Variants in EHMT1 observed in about 807,000 individuals in gnomAD.
EHMT1 encodes euchromatic histone lysine methyltransferase 1.
EHMT1 carries 15 observed loss-of-function variants against 147.2 expected under a neutral mutation model. That is an observed-to-expected ratio of 0.10 (90% CI 0.07 to 0.16). The LOEUF is 0.16. EHMT1 is among the 10% of genes least tolerant of loss of function. EHMT1 has a pLI of 1.00. For missense variants in EHMT1, 1,587 were observed against 1,772.4 expected (o/e 0.90, Z 1.88); for synonymous variants, 795 against 709.6 (o/e 1.12, Z -1.91).
At chr9:137,745,247 C>T (rs1196959932) in intron 6 of EHMT1, among the ~76,000 whole-genome samples, 1 of 152,120 alleles carries the variant, frequency 6.6e-6, no homozygotes, top group Non-Finnish European at 1.5e-5. Flanking sequence ...AAAGCATTTT[C>T]TATCATTTGT....
At chr9:137,662,094 G>A (rs1380966894) in intron 1 of EHMT1, among the ~76,000 whole-genome samples, 1 of 152,186 alleles carries the variant, frequency 6.6e-6, no homozygotes, top group Non-Finnish European at 1.5e-5. Context: ...GAGCCACTGC[G>A]CCTGGCCAAG....
chr9:137,673,194 C>T (rs1940877503), intron 1 of EHMT1, among the ~76,000 whole-genome samples: 1 of 152,160 alleles, frequency 6.6e-6, no homozygotes, highest in South Asian at 2.1e-4. Context: ...AACCTCCCAG[C>T]AGGTGTTTAT....
At chr9:137,718,362 G>A (rs1319254421) in intron 3 of EHMT1, among the ~76,000 whole-genome samples, 1 of 152,232 alleles carries the variant, frequency 6.6e-6, no homozygotes, top group Non-Finnish European at 1.5e-5. Flanking sequence ...GTAAGTTCTA[G>A]GTTTGTGATC....
intron 1 of EHMT1, among the ~76,000 whole-genome samples, chr9:137,668,825 C>A (rs1052429933): frequency 1.3e-5 from 2 of 152,090 alleles, no homozygotes; most frequent in Non-Finnish European, 2.9e-5. Flanking sequence ...TTCGGCTATC[C>A]CGGGAATGGG....
At chr9:137,832,405 C>T (rs1032339986) in intron 25 of EHMT1, among the ~76,000 whole-genome samples, 9 of 150,748 alleles carry the variant, frequency 6.0e-5, no homozygotes, top group Admixed American at 2.0e-4. Context: ...CAGGCCCCGC[C>T]TCCCACGTGG....
intron 1 of EHMT1, among the ~76,000 whole-genome samples, chr9:137,702,660 A>G (rs2135203523): frequency 6.6e-6 from 1 of 152,232 alleles, no homozygotes; most frequent in Admixed American, 6.5e-5. Context: ...TGGATCTACC[A>G]TTCTGGGGTC....
intron 1 of EHMT1, among the ~76,000 whole-genome samples, chr9:137,674,494 C>T (rs542026236): frequency 1.3e-5 from 2 of 152,304 alleles, no homozygotes; most frequent in Admixed American, 1.3e-4. Flanking sequence ...TCGGCTCCAG[C>T]GCTCTTTCTT....
rs936745452 is a variant in EHMT1, at chr9:137,715,668, G to C, written c.86-958G>C. 3 of 985,290 alleles carry C rather than the reference G, an allele frequency of 3.0e-6. No homozygotes were observed. The African/African-American group carries it at 5.2e-5, about 17-fold the overall frequency. 61.0% of individuals were successfully genotyped at this position (985,290 alleles called of 1,614,324 possible). On this transcript the variant is annotated intron_variant, in intron 2 of 26. Transcript: ENST00000460843. Reference sequence around the variant, plus strand: ...TGTCAATCTCGTGATGTAAAATAGTGTCTCCTTGACTGCCCTGGATATGAT... The same window carrying C: ...TGTCAATCTCGTGATGTAAAATAGTCTCTCCTTGACTGCCCTGGATATGAT...
At chr9:137,698,445 A>G (rs996962471) in intron 1 of EHMT1, among the ~76,000 whole-genome samples, 4 of 152,220 alleles carry the variant, frequency 2.6e-5, no homozygotes, top group Non-Finnish European at 5.9e-5. Flanking sequence ...TTAGTGGGTG[A>G]GAAAGTCTCT....
In EHMT1 at chr9:137,789,835, C is replaced by T. The variant is rs1952376446; in HGVS notation, c.2383-1013C>T. On this transcript the variant is annotated intron_variant, in intron 15 of 26. Coordinates refer to ENST00000460843, the MANE Select transcript of EHMT1 (RefSeq NM_024757.5). ...ACCTCTGCCTCCCAGGTTCAAGCAA[C>T]TCTCCTGCCTCAGCCTCCTGCGTAG... Among the ~76,000 whole-genome samples, 3 of 152,330 alleles carry T rather than the reference C, an allele frequency of 2.0e-5. No individual in the cohort carries two copies. In the South Asian group the frequency reaches 6.2e-4, roughly 32 times the overall value.
intron 1 of EHMT1, among the ~76,000 whole-genome samples, chr9:137,635,918 A>T (rs1052894850): frequency 1.3e-4 from 20 of 152,004 alleles, no homozygotes; most frequent in Admixed American, 7.2e-4. Flanking sequence ...AAATAGAATT[A>T]AAAAAAATTT....
chr9:137,624,723 A>G (rs1447666818), intron 1 of EHMT1, among the ~76,000 whole-genome samples: 2 of 151,902 alleles, frequency 1.3e-5, no homozygotes, highest in East Asian at 3.9e-4. Context: ...CAGCCTCCCA[A>G]AGTGTTGGGA....
intron 1 of EHMT1, among the ~76,000 whole-genome samples, chr9:137,641,762 G>T (rs141207392): frequency 6.6e-6 from 1 of 152,144 alleles, no homozygotes; most frequent in Non-Finnish European, 1.5e-5. Flanking sequence ...GGGTCATTCC[G>T]GGAGGAGAGT....
At chr9:137,621,031 A>G (rs78909368) in intron 1 of EHMT1, among the ~76,000 whole-genome samples, 1,896 of 152,328 alleles carry the variant, frequency 0.012, 38 homozygotes, top group African/African-American at 0.043. Context: ...AGTGAGGCCC[A>G]AGATTGAAGA....
chr9:137,790,563 C>T (rs560539183), intron 15 of EHMT1, among the ~76,000 whole-genome samples: 53 of 152,162 alleles, frequency 3.5e-4, no homozygotes, highest in Non-Finnish European at 6.5e-4. Context: ...TGTCACTGTC[C>T]TCCTCATTTC....
intron 1 of EHMT1, among the ~76,000 whole-genome samples, chr9:137,706,150 C>T (rs897393669): frequency 2.0e-5 from 3 of 152,026 alleles, no homozygotes; most frequent in African/African-American, 7.2e-5. Context: ...CATGCAGAGC[C>T]GACCTGGCCT....
Position 137,630,657 on chromosome 9 carries a change from G to A in EHMT1, c.21+11608G>A, listed in dbSNP as rs145707406. On this transcript the variant is annotated intron_variant, in intron 1 of 26. Transcript: ENST00000460843. ...TGGTGGTAATCAGTGATTATGTGCC[G>A]TTGTACTTCCTCTGTCCCGTATTGT... is the stretch of plus-strand genomic sequence containing the variant. Among the ~76,000 whole-genome samples the A allele has an allele frequency of 2.0e-3, 308 of 152,240 alleles. 2 individuals carry two copies. Among genetic ancestry groups the A allele is most frequent in the Non-Finnish European group, 2.5e-3 (167 of 68,022 alleles).
intron 1 of EHMT1, among the ~76,000 whole-genome samples, chr9:137,681,607 CT>C (rs1208291237): frequency 6.6e-6 from 1 of 152,090 alleles, no homozygotes; most frequent in African/African-American, 2.4e-5. Flanking sequence ...GTTTGCTTTC[CT>C]GATACCTTCA....
chr9:137,813,208 C>G lies in EHMT1; in HGVS notation c.3035+35C>G, dbSNP rs374046399. 4 of 1,601,116 alleles carry G rather than the reference C, an allele frequency of 2.5e-6. No homozygotes were observed. The highest frequency in any genetic ancestry group is 3.4e-6 in the Non-Finnish European group (4 of 1,178,676). On this transcript the variant is annotated intron_variant, in intron 20 of 26. Transcript: ENST00000460843. The surrounding 1 kb of genome is among the most constrained non-coding windows in gnomAD (Gnocchi z 4.9). ...GCCCCAGGACGGCTTTGTGGCAAATCAGCGGTCAGCAGGGCTTTGGGAACT... is the reference window on the plus strand; with the variant it reads ...GCCCCAGGACGGCTTTGTGGCAAATGAGCGGTCAGCAGGGCTTTGGGAACT...
Sources: gnomAD v4.1 joint callset for allele counts (sites outside exome capture counted in the v4.1 genomes callset) on GRCh38, gnomAD v4.1.1 for gene constraint, Gnocchi (gnomAD v3.1) non-coding constraint, MANE v1.5 for transcripts, NCBI Gene and HGNC (gene_info 2026-07-23, HGNC 2026-07-21) for gene names.